FBLN5: variants seen among roughly 807,000 people sequenced by gnomAD.
The protein encoded by FBLN5 is fibulin-5.
In FBLN5, 24 loss-of-function variants were observed where a neutral mutation model predicts 61.6. The ratio of observed to expected loss-of-function variants is 0.39; its 90% CI spans 0.28 to 0.55. The LOEUF is 0.55. FBLN5 is among the 20% of genes least tolerant of loss of function. FBLN5 has a pLI of 0.65. For synonymous variants in FBLN5, 213 were observed against 219.8 expected (o/e 0.97, Z 0.27); for missense variants, 470 against 594.1 (o/e 0.79, Z 2.17).
chr14:91,890,484 A>T (rs936842106), intron 6 of FBLN5, among the ~76,000 whole-genome samples: 2 of 152,240 alleles, frequency 1.3e-5, no homozygotes, highest in Non-Finnish European at 2.9e-5. Context: ...TTGAGGGGGA[A>T]GTCGGGGGCC....
intron 4 of FBLN5, among the ~76,000 whole-genome samples, chr14:91,916,734 C>G (rs1420293812): frequency 6.6e-6 from 1 of 152,122 alleles, no homozygotes; most frequent in Non-Finnish European, 1.5e-5. Flanking sequence ...TGTTATCTGT[C>G]ACTGTGGGCT....
chr14:91,876,564 A>C (rs2139948067), intron 10 of FBLN5, among the ~76,000 whole-genome samples: 1 of 152,348 alleles, frequency 6.6e-6, no homozygotes, highest in East Asian at 1.9e-4. Flanking sequence ...TAATATAAGA[A>C]GGAGACAAAG....
At chr14:91,914,140 C>G (rs1201451180) in intron 4 of FBLN5, among the ~76,000 whole-genome samples, 10 of 151,622 alleles carry the variant, frequency 6.6e-5, no homozygotes, top group Admixed American at 6.6e-4. Context: ...CTCAAGAGTT[C>G]GAGACCAGCC....
At chr14:91,913,988 A>C (rs1891072970) in intron 4 of FBLN5, among the ~76,000 whole-genome samples, 1 of 152,252 alleles carries the variant, frequency 6.6e-6, no homozygotes, top group South Asian at 2.1e-4. Context: ...TGTAGTCTTA[A>C]GTGCTGACTT....
At chr14:91,895,337 T>C (rs1890178299) in intron 4 of FBLN5, among the ~76,000 whole-genome samples, 1 of 152,258 alleles carries the variant, frequency 6.6e-6, no homozygotes, top group Non-Finnish European at 1.5e-5. Context: ...TCTGCCATCC[T>C]ATGCCATTGC....
chr14:91,893,980 C>A (rs933284412), intron 5 of FBLN5, among the ~76,000 whole-genome samples: 2 of 152,244 alleles, frequency 1.3e-5, no homozygotes, highest in African/African-American at 4.8e-5. Flanking sequence ...AGCATTATTT[C>A]TAACTAAAGC....
intron 3 of FBLN5, among the ~76,000 whole-genome samples, chr14:91,939,221 GCT>G (rs1200138965): frequency 3.9e-5 from 6 of 151,968 alleles, no homozygotes; most frequent in Admixed American, 3.9e-4. Flanking sequence ...ACTATTCCAT[GCT>G]CTGAGTGTCC....
intron 10 of FBLN5, among the ~76,000 whole-genome samples, chr14:91,870,731 TCTAGGCTCCCA>T (rs1161687478): frequency 3.9e-5 from 6 of 152,252 alleles, no homozygotes; most frequent in Admixed American, 3.9e-4. Context: ...GTGTCTGATA[TCTAGGCTCCCA>T]CTAGGCTATG....
At chr14:91,873,038 G>C (rs187029859) in intron 10 of FBLN5, among the ~76,000 whole-genome samples, 1 of 152,250 alleles carries the variant, frequency 6.6e-6, no homozygotes, top group Admixed American at 6.5e-5. Flanking sequence ...TATCCCATTT[G>C]AAATCCTAGA....
At chr14:91,905,939 G>A (rs777500482) in intron 4 of FBLN5, among the ~76,000 whole-genome samples, 7 of 151,954 alleles carry the variant, frequency 4.6e-5, no homozygotes, top group Non-Finnish European at 1.0e-4. Flanking sequence ...CCAGACTGGA[G>A]TGCAGTGGTG....
At chr14:91,913,003 A>G (rs1891023352) in intron 4 of FBLN5, among the ~76,000 whole-genome samples, 1 of 152,134 alleles carries the variant, frequency 6.6e-6, no homozygotes, top group Non-Finnish European at 1.5e-5. Context: ...TATTAACTCA[A>G]TATGTACTCC....
At chr14:91,941,355 G>A (rs1394299251) in intron 2 of FBLN5, among the ~76,000 whole-genome samples, 1 of 152,228 alleles carries the variant, frequency 6.6e-6, no homozygotes, top group East Asian at 1.9e-4. Flanking sequence ...ATTCCAGAGG[G>A]TTGTAGCTTT....
intron 4 of FBLN5, among the ~76,000 whole-genome samples, chr14:91,904,285 A>G (rs899719726): frequency 6.6e-6 from 1 of 152,238 alleles, no homozygotes; most frequent in African/African-American, 2.4e-5. Flanking sequence ...AAATTCAGTT[A>G]AGCCACCAGA....
intron 4 of FBLN5, among the ~76,000 whole-genome samples, chr14:91,929,109 A>C (rs2055881177): frequency 7.2e-6 from 1 of 139,546 alleles, no homozygotes; most frequent in South Asian, 2.4e-4. Flanking sequence ...ACACACACAC[A>C]CACACCCCAC....
At chr14:91,914,742 G>C (rs576012838) in intron 4 of FBLN5, among the ~76,000 whole-genome samples, 2 of 150,914 alleles carry the variant, frequency 1.3e-5, no homozygotes, top group African/African-American at 4.9e-5. Flanking sequence ...AAAGAGATCG[G>C]GGAGAGCAAC....
At chr14:91,879,468 A>G (rs756701095) in intron 9 of FBLN5, among the ~76,000 whole-genome samples, 4 of 152,188 alleles carry the variant, frequency 2.6e-5, no homozygotes, top group African/African-American at 4.8e-5. Flanking sequence ...TGGAGCCTGG[A>G]GTGAGGGAGT....
intron 4 of FBLN5, among the ~76,000 whole-genome samples, chr14:91,925,843 AC>A (rs2055818791): frequency 6.6e-6 from 1 of 152,298 alleles, no homozygotes; most frequent in African/African-American, 2.4e-5. Context: ...AGCCACAGCG[AC>A]CATGGCCCCA....
intron 2 of FBLN5, chr14:91,942,281 C>A: frequency 2.4e-6 from 1 of 422,204 alleles, no homozygotes. Context: ...GGGGTTTCAG[C>A]CCAGGGATGG....
At chr14:91,942,221 C>T in intron 2 of FBLN5, 1 of 455,414 alleles carries the variant, frequency 2.2e-6, no homozygotes, top group South Asian at 1.6e-5. Context: ...TCTTCCAGAA[C>T]CCCTAAGGCC....
Sources: allele counts gnomAD v4.1 joint callset (sites outside exome capture counted in the v4.1 genomes callset), GRCh38; gene constraint gnomAD v4.1.1; transcripts MANE v1.5; gene names NCBI Gene and HGNC (gene_info 2026-07-23, HGNC 2026-07-21).